MGAT4C: variants seen among roughly 807,000 people sequenced by gnomAD.
MGAT4C encodes MGAT4 family member C.
MGAT4C carries 19 observed loss-of-function variants against 40.1 expected under a neutral mutation model. The observed-to-expected ratio is 0.47, with a 90% CI of 0.33 to 0.70. The LOEUF is 0.70. MGAT4C is among the 30% of genes least tolerant of loss of function. The pLI is 0.02. For missense variants in MGAT4C, 491 were observed against 563.2 expected (o/e 0.87, Z 1.30); for synonymous variants, 181 against 187.1 (o/e 0.97, Z 0.27).
At chr12:86,580,371 T>C (rs1960731983) in intron 2 of MGAT4C, among the ~76,000 whole-genome samples, 1 of 151,484 alleles carries the variant, frequency 6.6e-6, no homozygotes, top group Admixed American at 6.6e-5. Context: ...AAGAATTTTC[T>C]CTCTTTAGTC....
At chr12:86,381,565 C>T (rs1955929478) in intron 3 of MGAT4C, among the ~76,000 whole-genome samples, 1 of 152,106 alleles carries the variant, frequency 6.6e-6, no homozygotes, top group South Asian at 2.1e-4. Context: ...CAGATCTTTC[C>T]CACCTAATAC....
At chr12:86,356,867 C>A (rs1335713253) in intron 3 of MGAT4C, among the ~76,000 whole-genome samples, 1 of 152,134 alleles carries the variant, frequency 6.6e-6, no homozygotes, top group East Asian at 1.9e-4. Flanking sequence ...AGGAGGCCTG[C>A]CTGCCTCTGT....
intron 1 of MGAT4C, among the ~76,000 whole-genome samples, chr12:86,144,832 T>G (rs1227342582): frequency 6.6e-6 from 1 of 152,140 alleles, no homozygotes; most frequent in Admixed American, 6.6e-5. Context: ...AACCAGTCCT[T>G]GGAGATTTTA....
At chr12:86,147,267 A>G (rs962452919) in intron 1 of MGAT4C, among the ~76,000 whole-genome samples, 9 of 151,772 alleles carry the variant, frequency 5.9e-5, no homozygotes, top group Admixed American at 2.0e-4. Flanking sequence ...TTTGAGACGT[A>G]GTCTCGCTCT....
At chr12:86,780,880 G>C (rs891244559) in intron 1 of MGAT4C, among the ~76,000 whole-genome samples, 4 of 152,002 alleles carry the variant, frequency 2.6e-5, no homozygotes, top group African/African-American at 9.7e-5. Context: ...ACATTGTTTA[G>C]TTTCCACTGA....
intron 2 of MGAT4C, among the ~76,000 whole-genome samples, chr12:86,471,969 G>A (rs1180487166): frequency 3.3e-5 from 5 of 151,816 alleles, no homozygotes; most frequent in Non-Finnish European, 7.4e-5. Flanking sequence ...TAAACATTTT[G>A]GTACATGTTA....
chr12:86,209,295 ACTACC>A (rs1223869278), intron 1 of MGAT4C, among the ~76,000 whole-genome samples: 1 of 152,100 alleles, frequency 6.6e-6, no homozygotes, highest in Non-Finnish European at 1.5e-5. Flanking sequence ...AAAGTTGGAT[ACTACC>A]CTTCTGAAAA....
chr12:86,444,210 A>T (rs1373791301), intron 2 of MGAT4C, among the ~76,000 whole-genome samples: 1 of 152,160 alleles, frequency 6.6e-6, no homozygotes, highest in Non-Finnish European at 1.5e-5. Context: ...CAATTATGTG[A>T]TTCCTTCTTG....
intron 1 of MGAT4C, among the ~76,000 whole-genome samples, chr12:86,200,311 T>A (rs1004294940): frequency 6.6e-6 from 1 of 152,184 alleles, no homozygotes; most frequent in Admixed American, 6.5e-5. Flanking sequence ...TAGTTTCTAG[T>A]CTTTGACTCT....
chr12:86,752,060 T>G (rs1951237499), intron 1 of MGAT4C, among the ~76,000 whole-genome samples: 1 of 152,042 alleles, frequency 6.6e-6, no homozygotes, highest in African/African-American at 2.4e-5. Flanking sequence ...TCAAATATAA[T>G]AATGATGTAT....
intron 2 of MGAT4C, among the ~76,000 whole-genome samples, chr12:86,540,371 C>G (rs1959152624): frequency 6.6e-6 from 1 of 152,284 alleles, no homozygotes; most frequent in South Asian, 2.1e-4. Context: ...ATGTTGAAAG[C>G]AGGTATAGCA....
chr12:86,809,089 C>A (rs1593227507), intron 1 of MGAT4C, among the ~76,000 whole-genome samples: 2 of 152,158 alleles, frequency 1.3e-5, no homozygotes, highest in East Asian at 3.9e-4. Flanking sequence ...CATGAAGGAC[C>A]TCTTCAAAGA....
intron 3 of MGAT4C, among the ~76,000 whole-genome samples, chr12:86,354,839 G>A (rs932438648): frequency 5.9e-5 from 9 of 152,274 alleles, no homozygotes; most frequent in African/African-American, 1.7e-4. Flanking sequence ...AGACCTTCAC[G>A]GTGAGTGTTA....
chr12:86,711,906 T>G (rs544521777), intron 2 of MGAT4C, among the ~76,000 whole-genome samples: 11 of 152,160 alleles, frequency 7.2e-5, no homozygotes, highest in Non-Finnish European at 1.0e-4. Flanking sequence ...ACCTTTTAAC[T>G]GTGGGGACTG....
At chr12:86,269,337 C>T (rs1952884227) in intron 4 of MGAT4C, among the ~76,000 whole-genome samples, 1 of 151,056 alleles carries the variant, frequency 6.6e-6, no homozygotes, top group Non-Finnish European at 1.5e-5. Context: ...CTACTTATTT[C>T]CAAGAAATAT....
At chr12:86,229,019 A>T (rs1951209575) in intron 1 of MGAT4C, among the ~76,000 whole-genome samples, 1 of 151,898 alleles carries the variant, frequency 6.6e-6, no homozygotes, top group Non-Finnish European at 1.5e-5. Context: ...AATTAGTTTG[A>T]TGCTTTTTCT....
intron 1 of MGAT4C, among the ~76,000 whole-genome samples, chr12:86,121,020 A>G (rs1179070301): frequency 6.6e-6 from 1 of 152,218 alleles, no homozygotes; most frequent in Non-Finnish European, 1.5e-5. Context: ...TGAATGGCTA[A>G]CTAGAATAAC....
intron 4 of MGAT4C, among the ~76,000 whole-genome samples, chr12:86,308,832 T>G (rs903621087): frequency 4.0e-5 from 6 of 150,426 alleles, no homozygotes; most frequent in Non-Finnish European, 7.4e-5. Context: ...TTACAAAAAT[T>G]TTTGATGTCA....
At position 86,427,400 on chromosome 12, in the gene MGAT4C, T is replaced by C. The variant is rs537846936; in HGVS notation, c.-120+7757A>G. ...TTATAATTATAGTATATATTTTCTT[T>C]TACTTTTTATCTTTTCAAAAGGAAA... On this transcript the variant is annotated intron_variant, in intron 3 of 7. Transcript: ENST00000548651. 4.6e-5 allele frequency among the ~76,000 whole-genome samples: 7 copies of C among 152,082 alleles called. No homozygotes were observed. In the South Asian group the frequency reaches 1.4e-3, roughly 31 times the overall value.
Sources: allele counts gnomAD v4.1 joint callset (sites outside exome capture counted in the v4.1 genomes callset), GRCh38; gene constraint gnomAD v4.1.1; transcripts MANE v1.5; gene names NCBI Gene and HGNC (gene_info 2026-07-23, HGNC 2026-07-21).